Variants in PTGR1 observed in about 807,000 individuals in gnomAD.
PTGR1 encodes prostaglandin reductase 1.
Under a neutral mutation model 37.7 loss-of-function variants are expected in PTGR1, and 23 were observed. That is an observed-to-expected ratio of 0.61 (90% CI 0.44 to 0.86). The LOEUF is 0.86. Among genes scored for constraint, PTGR1 ranks in the 40% least tolerant of loss-of-function variants. The pLI is 0.00. For missense variants in PTGR1, 351 were observed against 394.3 expected, an observed-to-expected ratio of 0.89 and a Z score of 0.93; for synonymous variants, 134 against 140.0, an observed-to-expected ratio of 0.96 and a Z score of 0.30.
At chr9:111,564,731 G>T (rs2132322850) in intron 9 of PTGR1, among the ~76,000 whole-genome samples, 1 of 152,278 alleles carries the variant, frequency 6.6e-6, no homozygotes, top group Admixed American at 6.5e-5. Flanking sequence ...TACTGTTATG[G>T]ACTGAATTGT....
At chr9:111,567,043 G>C (rs1001897754) in intron 9 of PTGR1, among the ~76,000 whole-genome samples, 6 of 151,494 alleles carry the variant, frequency 4.0e-5, no homozygotes, top group Non-Finnish European at 7.4e-5. Flanking sequence ...CCATGATCAC[G>C]GCACTGCACT....
intron 2 of PTGR1, among the ~76,000 whole-genome samples, chr9:111,595,843 C>A (rs539766103): frequency 9.9e-5 from 15 of 152,162 alleles, no homozygotes; most frequent in African/African-American, 3.6e-4. Flanking sequence ...CTGTGTTAGC[C>A]AGGATGGTCT....
chr9:111,592,754 C>T, intron 4 of PTGR1, 172 bp downstream of exon 4: 3 of 861,536 alleles, frequency 3.5e-6, no homozygotes, highest in East Asian at 2.9e-5. Flanking sequence ...TCCTTCCCTC[C>T]TTTCCAGCTA....
chr9:111,592,724 G>GA (rs1402180918), intron 4 of PTGR1: 2 of 629,184 alleles, frequency 3.2e-6, no homozygotes, highest in Non-Finnish European at 4.9e-6. Context: ...AAGTGAAGCT[G>GA]AAAAAATGAC....
At chr9:111,557,388 A>G (rs76935032) in intron 9 of PTGR1, among the ~76,000 whole-genome samples, 1 of 152,038 alleles carries the variant, frequency 6.6e-6, no homozygotes, top group South Asian at 2.1e-4. Flanking sequence ...AAAAAAAAAA[A>G]GATGACTTGA....
rs533458994 is a variant in PTGR1, at chr9:111,572,352, T to C, written c.761-2143A>G. ...GCTCATGCCTGTAATCCCAGCACTT[T>C]GGAAGACTGAAGGGAGCAGATCACG... is the stretch of plus-strand genomic sequence containing the variant. On this transcript the variant is annotated intron_variant, in intron 8 of 9. Coordinates refer to ENST00000407693, the MANE Select transcript of PTGR1 (RefSeq NM_001146108.2). Among the ~76,000 whole-genome samples the C allele has an allele frequency of 1.8e-3, 273 of 152,282 alleles. 1 individual carries two copies. Among genetic ancestry groups the C allele is most frequent in the South Asian group, 0.016 (77 of 4,820 alleles).
intron 7 of PTGR1, chr9:111,576,307 A>G: frequency 6.3e-7 from 1 of 1,596,780 alleles, no homozygotes; most frequent in African/African-American, 1.3e-5. Flanking sequence ...ACTACTTGCT[A>G]AAATTTTATT....
At chr9:111,590,661 C>T (rs1829581842) in intron 4 of PTGR1, among the ~76,000 whole-genome samples, 1 of 152,170 alleles carries the variant, frequency 6.6e-6, no homozygotes, top group Admixed American at 6.5e-5. Flanking sequence ...GTCCAGCCTT[C>T]ATGTAATTTT....
intron 9 of PTGR1, among the ~76,000 whole-genome samples, chr9:111,565,828 A>T (rs1160820858): frequency 1.3e-5 from 2 of 152,150 alleles, no homozygotes; most frequent in Non-Finnish European, 2.9e-5. Context: ...CCCAGCCTAA[A>T]ACTTTTCTAA....
At chr9:111,575,464 T>C (rs1829017337) in intron 7 of PTGR1, 1 of 152,212 alleles carries the variant, frequency 6.6e-6, no homozygotes, top group African/African-American at 2.4e-5. Flanking sequence ...TCAAAAGGTG[T>C]ATAGAGAACA....
At chr9:111,560,162 A>G (rs1308766220), downstream of PTGR1, among the ~76,000 whole-genome samples, 1 of 151,788 alleles carries the variant, frequency 6.6e-6, no homozygotes, top group African/African-American at 2.4e-5. Flanking sequence ...CCTGGCCAAC[A>G]TGGCAATACC....
At chr9:111,558,548 T>C (rs1056638375), downstream of PTGR1, among the ~76,000 whole-genome samples, 1 of 152,206 alleles carries the variant, frequency 6.6e-6, no homozygotes, top group African/African-American at 2.4e-5. Context: ...GCTCATCTTG[T>C]ATCTTCCCTA....
At chr9:111,578,735 G>T in intron 7 of PTGR1, 61 bp downstream of exon 7, 1 of 1,444,606 alleles carries the variant, frequency 6.9e-7, no homozygotes, top group Non-Finnish European at 9.3e-7. Flanking sequence ...AGGGGTAGGA[G>T]ACTCCTGCTT....
In PTGR1 at chr9:111,586,627, G is replaced by A. The variant is rs554413364; in HGVS notation, c.210-462C>T. Among the ~76,000 whole-genome samples, 11 of 151,694 alleles carry A rather than the reference G, an allele frequency of 7.3e-5. No homozygotes were observed. In the South Asian group the frequency reaches 1.7e-3, roughly 23 times the overall value. ...CCCTCCCCTAGCTCCTTGCCCCTTC[G>A]TCTTCCTTTTTCAGCCAAACTTCTT... On this transcript the variant is annotated intron_variant, in intron 4 of 9. Coordinates refer to ENST00000407693, the MANE Select transcript of PTGR1 (RefSeq NM_001146108.2).
chr9:111,561,102 T>TAGAGAGAGAGAG (rs1448011286), downstream of PTGR1, among the ~76,000 whole-genome samples: 8 of 29,354 alleles, frequency 2.7e-4, 1 homozygote, highest in Non-Finnish European at 4.3e-4. Flanking sequence ...TATATATATA[T>TAGAGAGAGAGAG]ATATATATAG....
rs189323386 is a variant in PTGR1, at chr9:111,595,729, G to C, written c.107-1462C>G. The stretch of plus-strand genomic sequence containing the variant: ...GCTCACTGCAATCTCCACCTCCCGG[G>C]TTCATGCTATTCTCCTGCCTCAGCC... On this transcript the variant is annotated intron_variant, in intron 2 of 9. Transcript: ENST00000407693. Among the ~76,000 whole-genome samples the C allele has an allele frequency of 1.3e-4, 20 of 152,242 alleles. No homozygotes were observed. In the East Asian group the frequency reaches 3.7e-3, roughly 28 times the overall value.
intron 4 of PTGR1, among the ~76,000 whole-genome samples, chr9:111,587,222 T>C (rs1198650563): frequency 6.6e-6 from 1 of 152,162 alleles, no homozygotes; most frequent in Non-Finnish European, 1.5e-5. Context: ...AGCTGCACCC[T>C]TTCTGTCTCA....
chr9:111,592,640 T>C, intron 4 of PTGR1: 1 of 293,588 alleles, frequency 3.4e-6, no homozygotes, highest in Non-Finnish European at 6.2e-6. Context: ...TGTGGGCTGC[T>C]GGCCAGATCC....
At chr9:111,552,600 T>C (rs1355568544) in intron 9 of PTGR1, among the ~76,000 whole-genome samples, 2 of 152,202 alleles carry the variant, frequency 1.3e-5, no homozygotes, top group Non-Finnish European at 2.9e-5. Context: ...ATATCTGCCA[T>C]GAGTTTGAGC....
Sources: allele counts gnomAD v4.1 joint callset (sites outside exome capture counted in the v4.1 genomes callset), GRCh38; gene constraint gnomAD v4.1.1; transcripts MANE v1.5; gene names NCBI Gene and HGNC (gene_info 2026-07-23, HGNC 2026-07-21).